The following IL1RAPL1 variants were observed in gnomAD, a reference collection of about 807,000 sequenced individuals.
IL1RAPL1 encodes interleukin-1 receptor accessory protein-like 1.
A neutral mutation model predicts 48.4 loss-of-function variants in IL1RAPL1; 3 were observed. That is an observed-to-expected ratio of 0.06 (90% CI 0.03 to 0.16). IL1RAPL1 has a LOEUF of 0.16. IL1RAPL1 is among the 10% of genes least tolerant of loss of function. IL1RAPL1 has a pLI of 1.00. For missense variants in IL1RAPL1, 349 were observed against 530.6 expected (o/e 0.66, Z 3.36); for synonymous variants, 185 against 187.7 (o/e 0.99, Z 0.12).
In IL1RAPL1 at chrX:29,008,020, G is replaced by A. The variant is rs768969729; in HGVS notation, c.82+218595G>A. ...TACTTTTTTAGTATTATTATTATTT[G>A]AGACAGCTTCTCACTCTGTTGCCCA... On this transcript the variant is annotated intron_variant, in intron 2 of 10. Coordinates refer to ENST00000378993, the MANE Select transcript of IL1RAPL1 (RefSeq NM_014271.4). 1.3e-4 allele frequency among the ~76,000 whole-genome samples: 14 copies of A among 111,546 alleles called. No homozygotes were observed. The South Asian group carries it at 5.2e-3, about 42-fold the overall frequency.
chrX:29,800,522 A>G (rs1007100533), intron 6 of IL1RAPL1, among the ~76,000 whole-genome samples: 1 of 110,578 alleles, frequency 9.0e-6, no homozygotes, highest in African/African-American at 3.3e-5. Flanking sequence ...ACACATGCAG[A>G]CACACACACA....
intron 2 of IL1RAPL1, among the ~76,000 whole-genome samples, chrX:28,835,949 G>A (rs1394098494): frequency 3.6e-5 from 4 of 110,478 alleles, no homozygotes; most frequent in African/African-American, 1.3e-4. Flanking sequence ...ATATTTATTA[G>A]AATATTATAT....
chrX:29,634,646 G>C (rs779104574), intron 5 of IL1RAPL1, among the ~76,000 whole-genome samples: 2 of 111,082 alleles, frequency 1.8e-5, no homozygotes, highest in Non-Finnish European at 3.8e-5. Context: ...GTGGTGGCAG[G>C]GGGTGTCTCC....
chrX:28,832,870 T>C (rs1015016370), intron 2 of IL1RAPL1, among the ~76,000 whole-genome samples: 1 of 105,504 alleles, frequency 9.5e-6, no homozygotes, highest in African/African-American at 3.5e-5. Context: ...GCAGGTTTGT[T>C]GCCTGGCTAT....
intron 2 of IL1RAPL1, among the ~76,000 whole-genome samples, chrX:29,260,154 T>C (rs1053064535): frequency 8.9e-6 from 1 of 112,472 alleles, no homozygotes; most frequent in African/African-American, 3.2e-5. Flanking sequence ...ATTTAAATGT[T>C]GGGGATAATT....
chrX:28,916,171 A>T (rs1238741485), intron 2 of IL1RAPL1, among the ~76,000 whole-genome samples: 1 of 110,615 alleles, frequency 9.0e-6, no homozygotes, highest in East Asian at 2.9e-4. Flanking sequence ...AAGCATATAA[A>T]ACCTAGAATA....
intron 6 of IL1RAPL1, among the ~76,000 whole-genome samples, chrX:29,869,157 C>T (rs1931755070): frequency 8.9e-6 from 1 of 112,197 alleles, no homozygotes; most frequent in Non-Finnish European, 1.9e-5. Flanking sequence ...TGTGACAAAA[C>T]AATGTTAAGT....
chrX:29,212,067 C>A (rs1334969633), intron 2 of IL1RAPL1, among the ~76,000 whole-genome samples: 1 of 111,405 alleles, frequency 9.0e-6, no homozygotes, highest in African/African-American at 3.3e-5. Flanking sequence ...ATGTCCTAAC[C>A]TGAACTCCTG....
At chrX:28,808,630 C>T (rs143773273) in intron 2 of IL1RAPL1, among the ~76,000 whole-genome samples, 72 of 110,330 alleles carry the variant, frequency 6.5e-4, no homozygotes, top group African/African-American at 2.0e-3. Context: ...TTAAACAAGA[C>T]GTAGGCTTTT....
chrX:29,524,763 G>T lies in IL1RAPL1; in HGVS notation c.703+125455G>T, dbSNP rs749534824. Among the ~76,000 whole-genome samples, 3 of 112,161 alleles carry T rather than the reference G, an allele frequency of 2.7e-5. No homozygotes were observed. In the South Asian group the frequency reaches 1.1e-3, roughly 41 times the overall value. ...CTTTAATCTCTGATTTATTATATTT[G>T]AACACTGTGAAGAAGCAGTTTAACA... On this transcript the variant is annotated intron_variant, in intron 5 of 10. Coordinates refer to ENST00000378993, the MANE Select transcript of IL1RAPL1 (RefSeq NM_014271.4).
At chrX:29,577,914 T>C (rs1168072294) in intron 5 of IL1RAPL1, among the ~76,000 whole-genome samples, 2 of 104,166 alleles carry the variant, frequency 1.9e-5, no homozygotes, top group Middle Eastern at 4.9e-3. Context: ...TTATCAACTT[T>C]GGCTGTACAT....
chrX:28,653,959 A>G (rs756082473), intron 1 of IL1RAPL1, among the ~76,000 whole-genome samples: 5 of 111,669 alleles, frequency 4.5e-5, no homozygotes, highest in Admixed American at 9.5e-5. Context: ...GGTTCATTCT[A>G]TGTGGCCTGC....
At chrX:29,321,406 A>G (rs753294195) in intron 3 of IL1RAPL1, among the ~76,000 whole-genome samples, 50 of 112,173 alleles carry the variant, frequency 4.5e-4, no homozygotes, top group Non-Finnish European at 8.8e-4. Context: ...GCCATTTACA[A>G]TTGTTAAAAG....
intron 6 of IL1RAPL1, among the ~76,000 whole-genome samples, chrX:29,836,188 CTTTTTTTTT>C (rs201175211): frequency 7.7e-4 from 69 of 89,165 alleles, no homozygotes; most frequent in East Asian, 6.8e-3. Flanking sequence ...TTTCATTTTT[CTTTTTTTTT>C]TTTTTTTTTT....
At chrX:29,600,428 G>C (rs1004299347) in intron 5 of IL1RAPL1, among the ~76,000 whole-genome samples, 2 of 111,927 alleles carry the variant, frequency 1.8e-5, no homozygotes, top group South Asian at 7.5e-4. Flanking sequence ...GGAGGTATCA[G>C]GGGAGTGAAG....
chrX:29,630,337 A>G (rs1490292940), intron 5 of IL1RAPL1, among the ~76,000 whole-genome samples: 1 of 111,702 alleles, frequency 9.0e-6, no homozygotes, highest in Non-Finnish European at 1.9e-5. Flanking sequence ...AAACATTTAG[A>G]TCATAGCAAT....
intron 2 of IL1RAPL1, among the ~76,000 whole-genome samples, chrX:28,993,690 T>C (rs2147383431): frequency 8.9e-6 from 1 of 112,251 alleles, no homozygotes; most frequent in Non-Finnish European, 1.9e-5. Context: ...ACAATTTGCA[T>C]TATCTTTGAG....
chrX:29,630,541 C>CA (rs1468431713), intron 5 of IL1RAPL1, among the ~76,000 whole-genome samples: 1 of 97,481 alleles, frequency 1.0e-5, no homozygotes, highest in Admixed American at 1.1e-4. Context: ...TTTCTCCAGA[C>CA]TTTTTTTTTT....
chrX:29,423,083 G>C (rs1315021056), intron 5 of IL1RAPL1, among the ~76,000 whole-genome samples: 1 of 111,492 alleles, frequency 9.0e-6, no homozygotes, highest in Admixed American at 9.6e-5. Flanking sequence ...CTACCTGGAG[G>C]CTTCATCTGC....
Sources: allele counts gnomAD v4.1 joint callset (sites outside exome capture counted in the v4.1 genomes callset), GRCh38; gene constraint gnomAD v4.1.1; transcripts MANE v1.5; gene names NCBI Gene and HGNC (gene_info 2026-07-23, HGNC 2026-07-21).